SLC25A48: variants seen among roughly 807,000 people sequenced by gnomAD.
SLC25A48 encodes the protein solute carrier family 25 member 48.
Under a neutral mutation model 32.2 loss-of-function variants are expected in SLC25A48, and 29 were observed. The observed-to-expected ratio is 0.90, with a 90% CI of 0.67 to 1.23. SLC25A48 has a LOEUF of 1.23. Ranked by LOEUF, SLC25A48 falls within the 50% of genes most tolerant of loss-of-function variation. The pLI is 0.00. For missense variants in SLC25A48, 399 were observed against 422.7 expected, an observed-to-expected ratio of 0.94 and a Z score of 0.49; for synonymous variants, 164 against 172.3, an observed-to-expected ratio of 0.95 and a Z score of 0.38.
chr5:135,671,945 A>T (rs1753665651), intron 3 of SLC25A48, among the ~76,000 whole-genome samples: 2 of 151,708 alleles, frequency 1.3e-5, no homozygotes, highest in African/African-American at 4.8e-5. Context: ...GGCATTTAAG[A>T]GAAGCCCCCA....
chr5:135,883,318 C>T (rs991254744), intron 7 of SLC25A48: 8 of 985,388 alleles, frequency 8.1e-6, no homozygotes, highest in Middle Eastern at 5.2e-4. Flanking sequence ...CACCTGGTAA[C>T]AAACAAACGA....
Position 135,713,375 on chromosome 5 carries a change from G to A in SLC25A48, c.-521+78419G>A, listed in dbSNP as rs539236511. On this transcript the variant is annotated intron_variant, in intron 3 of 10. Coordinates refer to the SLC25A48 transcript ENST00000646290. The stretch of plus-strand genomic sequence containing the variant: ...CTTTTTCACAACTATGAACTTGTGT[G>A]GTTATCAGAGCAGCTAGACTGAGTT... 2.0e-5 allele frequency among the ~76,000 whole-genome samples: 3 copies of A among 152,292 alleles called. No individual in the cohort carries two copies. In the South Asian group the frequency reaches 6.2e-4, roughly 32 times the overall value.
At chr5:135,635,195 C>G (rs901886711) in intron 3 of SLC25A48, among the ~76,000 whole-genome samples, 11 of 152,210 alleles carry the variant, frequency 7.2e-5, no homozygotes, top group African/African-American at 2.7e-4. Context: ...GAATCCAGGG[C>G]TATTCCACAA....
At chr5:135,626,130 G>A (rs1243406603) in intron 1 of SLC25A48, among the ~76,000 whole-genome samples, 1 of 152,206 alleles carries the variant, frequency 6.6e-6, no homozygotes, top group Admixed American at 6.5e-5. Flanking sequence ...AGGCTGGGAC[G>A]CCAAGGGCCT....
At chr5:135,586,680 A>C (rs1751373907) in intron 1 of SLC25A48, among the ~76,000 whole-genome samples, 1 of 152,220 alleles carries the variant, frequency 6.6e-6, no homozygotes, top group South Asian at 2.1e-4. Flanking sequence ...ACAACAGCTT[A>C]AACAACTGCT....
At chr5:135,847,581 T>C (rs887532857) in intron 2 of SLC25A48, among the ~76,000 whole-genome samples, 7 of 152,210 alleles carry the variant, frequency 4.6e-5, no homozygotes, top group Non-Finnish European at 1.0e-4. Context: ...AGGGAGGTTC[T>C]TAAATGTAAT....
chr5:135,699,606 C>T (rs995354727), intron 3 of SLC25A48, among the ~76,000 whole-genome samples: 1 of 152,182 alleles, frequency 6.6e-6, no homozygotes, highest in Non-Finnish European at 1.5e-5. Flanking sequence ...ATTATCAGCA[C>T]TCATCAACTG....
intron 4 of SLC25A48, among the ~76,000 whole-genome samples, chr5:135,864,487 C>G (rs1001376057): frequency 6.6e-6 from 1 of 152,086 alleles, no homozygotes; most frequent in Non-Finnish European, 1.5e-5. Flanking sequence ...AGGCAGGAAC[C>G]CTTGGAGCAT....
intron 7 of SLC25A48, among the ~76,000 whole-genome samples, chr5:135,886,239 G>A (rs1051410519): frequency 1.3e-5 from 2 of 151,912 alleles, no homozygotes; most frequent in Middle Eastern, 3.2e-3. Flanking sequence ...TCCAGGCTGC[G>A]GGCTGGCTCT....
intron 5 of SLC25A48, among the ~76,000 whole-genome samples, chr5:135,873,332 A>G (rs570070316): frequency 4.1e-4 from 62 of 152,188 alleles, no homozygotes; most frequent in Non-Finnish European, 8.4e-4. Context: ...CTGTGTTTCT[A>G]TAATAACCTG....
At chr5:135,670,146 A>G (rs1306295526) in intron 3 of SLC25A48, among the ~76,000 whole-genome samples, 4 of 152,152 alleles carry the variant, frequency 2.6e-5, no homozygotes, top group Non-Finnish European at 5.9e-5. Context: ...GTAGACCTGA[A>G]TTTGAGTCTT....
intron 3 of SLC25A48, among the ~76,000 whole-genome samples, chr5:135,766,138 A>G (rs1385602735): frequency 1.3e-5 from 2 of 151,750 alleles, no homozygotes; most frequent in African/African-American, 2.4e-5. Context: ...GATTCATAAT[A>G]TCTAGAAGGG....
chr5:135,879,607 A>AGTGTGTGTGT (rs776733956), intron 6 of SLC25A48, among the ~76,000 whole-genome samples: 28 of 139,310 alleles, frequency 2.0e-4, no homozygotes, highest in South Asian at 6.6e-4. Flanking sequence ...AGAGAGAGAG[A>AGTGTGTGTGT]GAGAGTGTGT....
At chr5:135,683,110 G>A (rs936078186) in intron 3 of SLC25A48, among the ~76,000 whole-genome samples, 1 of 152,128 alleles carries the variant, frequency 6.6e-6, no homozygotes, top group African/African-American at 2.4e-5. Flanking sequence ...TCCATTTGTG[G>A]CGTCAATCTC....
At chr5:135,719,447 G>T (rs1427535349) in intron 3 of SLC25A48, among the ~76,000 whole-genome samples, 1 of 152,102 alleles carries the variant, frequency 6.6e-6, no homozygotes, top group Non-Finnish European at 1.5e-5. Flanking sequence ...ACAAAGAGTG[G>T]AATCCTGGCT....
intron 2 of SLC25A48, among the ~76,000 whole-genome samples, chr5:135,847,811 C>T (rs1176715662): frequency 6.6e-6 from 1 of 152,094 alleles, no homozygotes; most frequent in African/African-American, 2.4e-5. Context: ...CTGATCTTAC[C>T]CCACTGAGAC....
At position 135,810,319 on chromosome 5, in the gene SLC25A48, C is replaced by T. The variant is rs549599938; in HGVS notation, c.-520-2204C>T. ...TAATAGAAAGATAAAAATGTCACTT[C>T]CTGCAACCTAATCTGTGGATTGTGA... On this transcript the variant is annotated intron_variant, in intron 3 of 10. Coordinates refer to the SLC25A48 transcript ENST00000646290. Among the ~76,000 whole-genome samples, 8 of 152,278 alleles carry T rather than the reference C, an allele frequency of 5.3e-5. No homozygotes were observed. The South Asian group carries it at 1.7e-3, about 32-fold the overall frequency.
chr5:135,687,659 GTTA>G, intron 3 of SLC25A48, among the ~76,000 whole-genome samples: 1 of 152,158 alleles, frequency 6.6e-6, no homozygotes, highest in South Asian at 2.1e-4. Context: ...AAGACTTAGA[GTTA>G]TCTTTGTAAA....
At chr5:135,816,099 G>A (rs1376699577) in intron 4 of SLC25A48, among the ~76,000 whole-genome samples, 1 of 152,144 alleles carries the variant, frequency 6.6e-6, no homozygotes, top group Non-Finnish European at 1.5e-5. Context: ...AGCGTGCAGG[G>A]AAAGCTGCTA....
Sources: gnomAD v4.1 joint callset for allele counts (sites outside exome capture counted in the v4.1 genomes callset) on GRCh38, gnomAD v4.1.1 for gene constraint, MANE v1.5 for transcripts, NCBI Gene and HGNC (gene_info 2026-07-23, HGNC 2026-07-21) for gene names.